Variants in HIVEP2 observed in about 807,000 individuals in gnomAD.
HIVEP2 encodes the protein HIVEP zinc finger 2, also known as transcription factor HIVEP2.
In HIVEP2, 14 loss-of-function variants were observed where a neutral mutation model predicts 180.7. The observed-to-expected ratio is 0.08, with a 90% CI of 0.05 to 0.12. The LOEUF (loss-of-function observed/expected upper bound fraction) is 0.12. HIVEP2 is among the 10% of genes least tolerant of loss of function. The probability of loss-of-function intolerance (pLI) is 1.00; values close to 1 mark genes in which losing one functional copy is unlikely to be tolerated. For synonymous variants in HIVEP2, 1,184 were observed against 1,136.4 expected (o/e 1.04, Z -0.84); for missense variants, 2,579 against 3,008.5 (o/e 0.86, Z 3.34).
chr6:142,756,263 C>T (rs1231879392), intron 9 of HIVEP2, among the ~76,000 whole-genome samples: 4 of 152,110 alleles, frequency 2.6e-5, no homozygotes, highest in African/African-American at 9.7e-5. Context: ...GCAAGAGCCT[C>T]CTTGGGGGCA....
intron 1 of HIVEP2, among the ~76,000 whole-genome samples, chr6:142,934,582 C>T (rs759963734): frequency 5.3e-5 from 8 of 152,114 alleles, no homozygotes; most frequent in South Asian, 2.1e-4. Flanking sequence ...ATGTTTATAA[C>T]CCTGGATTTT....
chr6:142,914,992 C>G (rs1374575828), intron 1 of HIVEP2, among the ~76,000 whole-genome samples: 2 of 152,156 alleles, frequency 1.3e-5, no homozygotes, highest in Non-Finnish European at 2.9e-5. Context: ...ATTTCTCCCC[C>G]ATTTAATCTT....
intron 2 of HIVEP2, among the ~76,000 whole-genome samples, chr6:142,796,584 A>T (rs1031228465): frequency 6.6e-6 from 1 of 152,154 alleles, no homozygotes; most frequent in Non-Finnish European, 1.5e-5. Flanking sequence ...TCTGCCTGAA[A>T]TGGTGGCAAC....
intron 1 of HIVEP2, among the ~76,000 whole-genome samples, chr6:142,905,532 A>G (rs1296873976): frequency 6.6e-6 from 1 of 152,198 alleles, no homozygotes; most frequent in Non-Finnish European, 1.5e-5. Context: ...ATTTCCAAAC[A>G]TGGAGTGTTT....
intron 2 of HIVEP2, among the ~76,000 whole-genome samples, chr6:142,809,581 C>CTGTTTGTTTGTT (rs3057566): frequency 0.047 from 7,135 of 150,468 alleles, 250 homozygotes; most frequent in African/African-American, 0.09. Context: ...TCTGGGTTTT[C>CTGTTTGTTTGTT]TGTTTGTTTG....
chr6:142,793,656 C>CCTTCTTTCTTTCTTTCTTTCTTTCTTTT (rs1776201972), intron 2 of HIVEP2, among the ~76,000 whole-genome samples: 1 of 77,334 alleles, frequency 1.3e-5, no homozygotes. Context: ...TTCTTTCTTT[C>CCTTCTTTCTTTCTTTCTTTCTTTCTTTT]TTTTTTCTTT....
chr6:142,755,237 G>A (rs1049051869), intron 9 of HIVEP2, among the ~76,000 whole-genome samples: 1 of 152,168 alleles, frequency 6.6e-6, no homozygotes, highest in African/African-American at 2.4e-5. Context: ...CTGAAAGTGT[G>A]AGTGAAACGG....
At chr6:142,936,256 G>A (rs1411236657) in intron 1 of HIVEP2, among the ~76,000 whole-genome samples, 6 of 151,384 alleles carry the variant, frequency 4.0e-5, no homozygotes, top group African/African-American at 7.3e-5. Flanking sequence ...GCGGTGGGGC[G>A]ATCTCGGCTC....
chr6:142,813,924 G>A (rs1352370121), intron 2 of HIVEP2, among the ~76,000 whole-genome samples: 1 of 151,706 alleles, frequency 6.6e-6, no homozygotes, highest in African/African-American at 2.4e-5. Flanking sequence ...TCATTTTATT[G>A]ACTTTCTAGC....
chr6:142,839,649 C>T (rs932897622), intron 1 of HIVEP2, among the ~76,000 whole-genome samples: 1 of 152,090 alleles, frequency 6.6e-6, no homozygotes, highest in Admixed American at 6.6e-5. Context: ...ACCATGCTCC[C>T]TGAGTTCACC....
intron 1 of HIVEP2, among the ~76,000 whole-genome samples, chr6:142,922,778 T>C (rs1401894624): frequency 6.6e-6 from 1 of 152,154 alleles, no homozygotes; most frequent in Non-Finnish European, 1.5e-5. Context: ...TGGCTCTCAA[T>C]AAGAATTATG....
At position 142,760,100 on chromosome 6, in the gene HIVEP2, T is replaced by C; in HGVS notation, c.6188A>G (p.Tyr2063Cys). Reference sequence around the variant, plus strand: ...AGATAAATCTCCTTTGGGTATCAGATACCTCTTTGGTGAATTATCTCGACA... The same window carrying C: ...AGATAAATCTCCTTTGGGTATCAGACACCTCTTTGGTGAATTATCTCGACA... ...SPCRDNSPKR[Y>C]LIPKGDLSPR... is the part of the protein sequence containing the mutation. Residue 2063 changes from tyrosine to cysteine, a missense_variant, in exon 9 of 10, where the codon TAT (tyrosine) becomes TGT (cysteine). By Grantham distance (194) the Tyr-to-Cys change is radical. Transcript: ENST00000367603. The C allele has an allele frequency of 1.2e-6, 2 of 1,614,226 alleles. No homozygotes were observed. The highest frequency in any genetic ancestry group is 2.2e-5 in the East Asian group (1 of 44,884).
rs148336975 is a variant in HIVEP2, at chr6:142,860,015, G to A, written c.-640-22968C>T. ...ATCTTCATTTTTGTTAAAGTTCACAGTAGGGAAAGTGTTAAATCTTTTTTT... is the reference window on the plus strand; with the variant it reads ...ATCTTCATTTTTGTTAAAGTTCACAATAGGGAAAGTGTTAAATCTTTTTTT... On this transcript the variant is annotated intron_variant, in intron 1 of 9. Coordinates refer to ENST00000367603, the MANE Select transcript of HIVEP2 (RefSeq NM_006734.4). Among the ~76,000 whole-genome samples, 531 of 152,250 alleles carry A rather than the reference G, an allele frequency of 3.5e-3. 3 individuals carry two copies. Among genetic ancestry groups the A allele is most frequent in the African/African-American group, 0.011 (441 of 41,556 alleles).
Position 142,753,122 on chromosome 6 carries a change from C to G in HIVEP2, c.7326G>C (p.Lys2442Asn). The G allele has an allele frequency of 6.2e-7, 1 of 1,601,132 alleles. No homozygotes were observed. The highest frequency in any genetic ancestry group is 8.6e-7 in the Non-Finnish European group (1 of 1,168,156). The change falls in exon 10 of 10, where the codon AAG becomes AAC. Residue 2442 changes from lysine to asparagine, a missense_variant. Lys to Asn is a moderately conservative substitution (Grantham distance 94, BLOSUM62 0). Transcript: ENST00000367603. Reference protein sequence around the residue: ...TEESKDPSSEKSQLH With the variant: ...TEESKDPSSENSQLH ...GCATCATAGATCAATGTAGCTGACTCTTTTCTGATGAAGGATCTTTGCTTT... is the reference window on the plus strand; with the variant it reads ...GCATCATAGATCAATGTAGCTGACTGTTTTCTGATGAAGGATCTTTGCTTT...
intron 2 of HIVEP2, among the ~76,000 whole-genome samples, chr6:142,798,524 T>A (rs946817729): frequency 6.6e-6 from 1 of 152,102 alleles, no homozygotes; most frequent in African/African-American, 2.4e-5. Flanking sequence ...CCTTTCTAGA[T>A]CCACCTGCAT....
intron 9 of HIVEP2, among the ~76,000 whole-genome samples, chr6:142,757,126 C>T (rs191669016): frequency 2.6e-5 from 4 of 152,248 alleles, no homozygotes; most frequent in Admixed American, 6.5e-5. Context: ...TTACTCCAAA[C>T]GCAGGCAGAA....
chr6:142,813,172 C>A (rs1319983887), intron 2 of HIVEP2, among the ~76,000 whole-genome samples: 1 of 152,154 alleles, frequency 6.6e-6, no homozygotes, highest in Non-Finnish European at 1.5e-5. Context: ...AGATCTGTCA[C>A]TGCTATGTAT....
rs1778047692 is a variant in HIVEP2 at position 142,936,126 on chromosome 6, A to T, written c.-641+8973T>A. 2.0e-5 allele frequency among the ~76,000 whole-genome samples: 3 copies of T among 152,060 alleles called. No individual in the cohort carries two copies. In the South Asian group the frequency reaches 6.2e-4, roughly 32 times the overall value. On this transcript the variant is annotated intron_variant, in intron 1 of 9. Transcript: ENST00000367603. ...GAACTTGTCTCAAGAAGAAAAAAAAAGGATGTGTCATTTGTAAACCATTTT... is the reference window on the plus strand; with the variant it reads ...GAACTTGTCTCAAGAAGAAAAAAAATGGATGTGTCATTTGTAAACCATTTT...
chr6:142,790,708 CAA>C (rs1776117339), intron 2 of HIVEP2, among the ~76,000 whole-genome samples: 1 of 152,194 alleles, frequency 6.6e-6, no homozygotes, highest in African/African-American at 2.4e-5. Flanking sequence ...ATTAAGTAAA[CAA>C]AGAGAACAGA....
Sources: allele counts gnomAD v4.1 joint callset (sites outside exome capture counted in the v4.1 genomes callset), GRCh38; gene constraint gnomAD v4.1.1; transcripts MANE v1.5; gene names NCBI Gene and HGNC (gene_info 2026-07-23, HGNC 2026-07-21).